AKAP13: variants seen among roughly 807,000 people sequenced by gnomAD.
AKAP13 encodes A-kinase anchoring protein 13.
Under a neutral mutation model 264.5 loss-of-function variants are expected in AKAP13, and 80 were observed. That is an observed-to-expected ratio of 0.30 (90% CI 0.25 to 0.36). AKAP13 has a LOEUF of 0.36. AKAP13 is among the 10% of genes least tolerant of loss of function. The probability of loss-of-function intolerance (pLI) is 1.00; values close to 1 mark genes in which losing one functional copy is unlikely to be tolerated. For synonymous variants in AKAP13, 1,380 were observed against 1,250.2 expected (o/e 1.10, Z -2.19); for missense variants, 3,712 against 3,435.2 (o/e 1.08, Z -2.01).
intron 8 of AKAP13, among the ~76,000 whole-genome samples, chr15:85,587,016 C>T (rs997828923): frequency 2.0e-4 from 30 of 151,682 alleles, no homozygotes; most frequent in Non-Finnish European, 1.3e-4. Flanking sequence ...ATTCACATAC[C>T]ATAAAATCCA....
Position 85,718,146 on chromosome 15 carries a change from A to T in AKAP13, c.5988A>T (p.Gln1996His). The T allele has an allele frequency of 1.2e-6, 2 of 1,614,194 alleles. No individual in the cohort carries two copies. The highest frequency in any genetic ancestry group is 1.7e-6 in the Non-Finnish European group (2 of 1,180,010). Residue 1996 changes from glutamine (Q) to histidine (H), a missense_variant, in exon 22 of 37, where the codon CAA (glutamine) becomes CAT (histidine). Gln to His is a conservative substitution (Grantham distance 24). Transcript: ENST00000394518. This position sits in a 1 kb window ranked among gnomAD's most constrained non-coding sequence, Gnocchi z 4.9. ...AAAAGAAAGATGTGGTCAAACGGCAAGAAGTAATATATGGTGAGAGTCTTC... is the reference window on the plus strand; with the variant it reads ...AAAAGAAAGATGTGGTCAAACGGCATGAAGTAATATATGGTGAGAGTCTTC... Reference protein sequence around the residue: ...KQQKKDVVKRQEVIYELMQTE... With the variant: ...KQQKKDVVKRHEVIYELMQTE...
intron 17 of AKAP13, among the ~76,000 whole-genome samples, chr15:85,707,672 G>T (rs2086377036): frequency 6.6e-6 from 1 of 151,992 alleles, no homozygotes; most frequent in African/African-American, 2.4e-5. Flanking sequence ...AGTTTTTGTT[G>T]ATTAGAAATC....
chr15:85,423,748 C>A (rs929565859), intron 1 of AKAP13, among the ~76,000 whole-genome samples: 2 of 152,100 alleles, frequency 1.3e-5, no homozygotes, highest in Non-Finnish European at 2.9e-5. Context: ...TTGGCTTTGC[C>A]CAGATTCATC....
At chr15:85,653,141 G>C (rs2082939461) in intron 10 of AKAP13, among the ~76,000 whole-genome samples, 2 of 152,150 alleles carry the variant, frequency 1.3e-5, no homozygotes, top group South Asian at 4.1e-4. Context: ...AGAAAGCATA[G>C]TCAGTTATTT....
chr15:85,495,021 C>T (rs997234491), intron 2 of AKAP13, among the ~76,000 whole-genome samples: 1 of 151,936 alleles, frequency 6.6e-6, no homozygotes, highest in South Asian at 2.1e-4. Context: ...ATTTGAAATT[C>T]CTCTATAGTG....
intron 5 of AKAP13, among the ~76,000 whole-genome samples, chr15:85,555,062 C>CTG (rs2078094595): frequency 6.6e-6 from 1 of 151,594 alleles, no homozygotes; most frequent in Non-Finnish European, 1.5e-5. Context: ...AAGAGGAAAA[C>CTG]TAAGTTTCAG....
At position 85,747,579 on chromosome 15, in the gene AKAP13, C is replaced by T. The variant is rs1419067998; in HGVS notation, c.*2902C>T. 1 of 152,670 alleles carries T rather than the reference C, an allele frequency of 6.6e-6. No individual in the cohort carries two copies. Among genetic ancestry groups the T allele is most frequent in the Non-Finnish European group, 1.5e-5 (1 of 68,050 alleles). The allele number at this position is 152,670 out of a possible 1,614,324, so 9.5% of individuals were successfully genotyped here. ...TTCCTGGAAGGAGACTGCGTCTTCT[C>T]TCAATTCCAGTCATCTCAGTCGTTG... On this transcript the variant is annotated 3_prime_UTR_variant, in exon 37 of 37. Coordinates refer to ENST00000394518, the MANE Select transcript of AKAP13 (RefSeq NM_007200.5).
At chr15:85,488,938 G>T (rs979183874) in intron 2 of AKAP13, among the ~76,000 whole-genome samples, 1 of 152,182 alleles carries the variant, frequency 6.6e-6, no homozygotes, top group Non-Finnish European at 1.5e-5. Context: ...AACTAATAGA[G>T]TAGTAGTTTG....
Position 85,515,792 on chromosome 15 carries a change from C to T in AKAP13, c.34-5636C>T, listed in dbSNP as rs1382720695. Among the ~76,000 whole-genome samples the T allele has an allele frequency of 1.4e-4, 19 of 137,508 alleles. 4 individuals carry two copies. Among genetic ancestry groups the T allele is most frequent in the African/African-American group, 5.3e-4 (18 of 34,160 alleles). 90.2% of individuals were successfully genotyped at this position (137,508 alleles called of 152,430 possible). ...TGTAAGTGATGCTGTGTCCTTAGTG[C>T]ATGCTATGTGAAATGTGATGTTAGC... is the stretch of plus-strand genomic sequence containing the variant. On this transcript the variant is annotated intron_variant, in intron 2 of 36. Coordinates refer to ENST00000394518, the MANE Select transcript of AKAP13 (RefSeq NM_007200.5).
intron 8 of AKAP13, among the ~76,000 whole-genome samples, chr15:85,632,791 A>T (rs906949374): frequency 1.1e-4 from 17 of 152,206 alleles, no homozygotes; most frequent in African/African-American, 4.1e-4. Flanking sequence ...TATTCAAGGC[A>T]AATAATGTTC....
intron 2 of AKAP13, among the ~76,000 whole-genome samples, chr15:85,497,105 AG>A (rs1274631234): frequency 6.6e-6 from 1 of 152,212 alleles, no homozygotes; most frequent in Non-Finnish European, 1.5e-5. Context: ...ATCACATAAC[AG>A]TGAGGGGATT....
intron 12 of AKAP13, 85 bp from the exon 13 acceptor site, chr15:85,664,478 G>A: frequency 1.5e-6 from 2 of 1,341,808 alleles, no homozygotes; most frequent in Non-Finnish European, 1.0e-6. Flanking sequence ...ACAAACAAGG[G>A]AGATATACCC....
rs141654367 is a variant in AKAP13, at chr15:85,670,221, C to T, written c.5101+391C>T. On this transcript the variant is annotated intron_variant, in intron 14 of 36. Transcript: ENST00000394518. ...TCCTCAAATGTTAGAATACTTGTTTCGCCAGCCTCTCTCCCTCTCTTTATC... is the reference window on the plus strand; with the variant it reads ...TCCTCAAATGTTAGAATACTTGTTTTGCCAGCCTCTCTCCCTCTCTTTATC... Among the ~76,000 whole-genome samples, 465 of 152,130 alleles carry T rather than the reference C, an allele frequency of 3.1e-3. 2 individuals are homozygous for T. Among genetic ancestry groups the T allele is most frequent in the Non-Finnish European group, 3.5e-3 (235 of 67,986 alleles).
intron 1 of AKAP13, among the ~76,000 whole-genome samples, chr15:85,472,398 G>C (rs2074994262): frequency 6.6e-6 from 1 of 150,980 alleles, no homozygotes; most frequent in African/African-American, 2.4e-5. Context: ...GTTATTGCCA[G>C]TCTAAATTGG....
intron 30 of AKAP13, among the ~76,000 whole-genome samples, chr15:85,733,847 T>G (rs1202930230): frequency 6.6e-6 from 1 of 151,244 alleles, no homozygotes; most frequent in African/African-American, 2.4e-5. Context: ...CTTTCATGTC[T>G]TTTGTCATTT....
chr15:85,549,773 T>C (rs1426786823), intron 5 of AKAP13, among the ~76,000 whole-genome samples: 1 of 152,198 alleles, frequency 6.6e-6, no homozygotes, highest in Non-Finnish European at 1.5e-5. Context: ...TGTAAAGGGT[T>C]ATATGGTTTC....
At chr15:85,562,084 AC>A (rs1326655847) in intron 5 of AKAP13, among the ~76,000 whole-genome samples, 4 of 152,146 alleles carry the variant, frequency 2.6e-5, no homozygotes, top group Non-Finnish European at 5.9e-5. Context: ...CCTGCAAATT[AC>A]GGTAATAATA....
Position 85,717,295 on chromosome 15 carries a change from G to A in AKAP13, c.5741G>A (p.Gly1914Asp). The change falls in exon 21 of 37, where the codon GGC becomes GAC. Residue 1914 changes from glycine (G) to aspartate (D), a missense_variant. Physicochemically the swap from Gly to Asp is moderately conservative, Grantham distance 94. This residue lies in a region of AKAP13 where 2,759 missense variants were observed against 2,411.7 expected (regional missense o/e 1.14). Coordinates refer to ENST00000394518, the MANE Select transcript of AKAP13 (RefSeq NM_007200.5). ...TATTTTTCTTTTGTCCCCAGAGTTG[G>A]CAATGATGAGAACATGTCAAACACC... ...SVSIQNITGV[G>D]NDENMSNTWK... The A allele has an allele frequency of 6.2e-7, 1 of 1,605,124 alleles. No homozygotes were observed. The highest frequency in any genetic ancestry group is 1.1e-5 in the South Asian group (1 of 89,560).
chr15:85,440,834 AG>A (rs1323983962), intron 1 of AKAP13, among the ~76,000 whole-genome samples: 2 of 152,198 alleles, frequency 1.3e-5, no homozygotes, highest in Non-Finnish European at 2.9e-5. Flanking sequence ...TTAGAAGCCA[AG>A]GATTAATTTT....
Sources: allele counts gnomAD v4.1 joint callset (sites outside exome capture counted in the v4.1 genomes callset), GRCh38; gene constraint gnomAD v4.1.1; regional missense constraint gnomAD v4.1.1; non-coding constraint Gnocchi (gnomAD v3.1); transcripts MANE v1.5; gene names NCBI Gene and HGNC (gene_info 2026-07-23, HGNC 2026-07-21).